The following SCARA5 variants were observed in gnomAD, a reference collection of about 807,000 sequenced individuals.
SCARA5 encodes scavenger receptor class A, member 5 (putative).
Under a neutral mutation model 46.3 loss-of-function variants are expected in SCARA5, and 45 were observed. The observed-to-expected ratio is 0.97, with a 90% CI of 0.76 to 1.24. The LOEUF is 1.24. SCARA5 is among the 50% of genes most tolerant of loss of function. SCARA5 has a pLI of 0.00. For synonymous variants in SCARA5, 333 were observed against 306.5 expected (o/e 1.09, Z -0.90); for missense variants, 680 against 689.0 (o/e 0.99, Z 0.15).
intron 3 of SCARA5, among the ~76,000 whole-genome samples, chr8:27,951,604 G>A (rs966881539): frequency 3.3e-5 from 5 of 152,188 alleles, no homozygotes; most frequent in Admixed American, 6.5e-5. Context: ...GGCCCGTCCC[G>A]TCCTGCACGG....
At chr8:27,968,526 T>A (rs1020770945) in intron 2 of SCARA5, among the ~76,000 whole-genome samples, 3 of 152,202 alleles carry the variant, frequency 2.0e-5, no homozygotes, top group Non-Finnish European at 2.9e-5. Flanking sequence ...ATTTCTTTTA[T>A]TTTTTTCCTT....
chr8:27,879,565 T>C lies in SCARA5; in HGVS notation c.1351+4A>G, dbSNP rs1359711981. On this transcript the variant is annotated splice_donor_region_variant and intron_variant, in intron 8 of 8. Transcript: ENST00000354914. Reference sequence around the variant, plus strand: ...TCATGTTTTTTGCCCTCAGAGCGCCTTACCTTGCCCGAATCGAGCTGTGCG... The same window carrying C: ...TCATGTTTTTTGCCCTCAGAGCGCCCTACCTTGCCCGAATCGAGCTGTGCG... 6.2e-7 allele frequency: 1 copy of C among 1,605,448 alleles called. No homozygotes were observed. The highest frequency in any genetic ancestry group is 1.3e-5 in the African/African-American group (1 of 75,030).
At chr8:27,989,484 T>A (rs903998033) in intron 1 of SCARA5, among the ~76,000 whole-genome samples, 1 of 152,190 alleles carries the variant, frequency 6.6e-6, no homozygotes, top group Non-Finnish European at 1.5e-5. Flanking sequence ...ACATTTGGGC[T>A]GAGAAGAGAC....
rs149649716 is a variant in SCARA5 at position 27,873,218 on chromosome 8, G to A, written c.1352-1148C>T. Among the ~76,000 whole-genome samples the A allele has an allele frequency of 1.3e-3, 201 of 152,162 alleles. 3 individuals carry two copies. In the Middle Eastern group the frequency reaches 0.027, roughly 21 times the overall value. ...CTCTCCCACTCTAGGTTCCCACGCC[G>A]CCCCTAATCCCGCTCGAAGCAGCCC... On this transcript the variant is annotated intron_variant, in intron 8 of 8. Transcript: ENST00000354914.
At chr8:27,974,179 C>CG (rs759998792) in intron 2 of SCARA5, among the ~76,000 whole-genome samples, 2 of 151,994 alleles carry the variant, frequency 1.3e-5, no homozygotes, top group East Asian at 3.9e-4. Context: ...CACAGTGCTT[C>CG]GGGGGAAAAG....
rs1259259720 is a variant in SCARA5, at chr8:27,870,873, A to C, written c.*1061T>G. ...TGGAAGATGCAAAATCATCACCTCCAAACAGCTGAGACACACATGACTTGG... is the reference window on the plus strand; with the variant it reads ...TGGAAGATGCAAAATCATCACCTCCCAACAGCTGAGACACACATGACTTGG... On this transcript the variant is annotated 3_prime_UTR_variant, in exon 9 of 9. Transcript: ENST00000354914. 6.6e-6 allele frequency: 1 copy of C among 152,276 alleles called. No homozygotes were observed. Among genetic ancestry groups the C allele is most frequent in the East Asian group, 1.9e-4 (1 of 5,198 alleles). The allele number at this position is 152,276 out of a possible 1,614,324, so 9.4% of individuals were successfully genotyped here. A position where few individuals can be genotyped will look rare whatever the true frequency, so the allele number is the denominator to read the frequency against.
intron 7 of SCARA5, among the ~76,000 whole-genome samples, chr8:27,884,404 CG>C (rs1202010446): frequency 6.6e-6 from 1 of 152,238 alleles, no homozygotes; most frequent in Admixed American, 6.5e-5. Context: ...AAGAGGGACC[CG>C]GCCGCTGCGC....
chr8:27,891,275 G>A (rs994776077), intron 7 of SCARA5, among the ~76,000 whole-genome samples: 2 of 151,142 alleles, frequency 1.3e-5, no homozygotes, highest in African/African-American at 4.9e-5. Context: ...GCACAATCTC[G>A]GCTCACTGCA....
At chr8:27,886,555 A>T (rs978883551) in intron 7 of SCARA5, among the ~76,000 whole-genome samples, 2 of 152,028 alleles carry the variant, frequency 1.3e-5, no homozygotes, top group Admixed American at 6.6e-5. Context: ...GGCCTCCTTT[A>T]CCCCTGAAGA....
rs1020303321 is a variant in SCARA5, at chr8:27,871,695, A to G, written c.*239T>C. ...GTGATCCAGTTGATCAGGGCTCCTC[A>G]TGCAGGAACCTGGTGGAAGAGAGAG... On this transcript the variant is annotated 3_prime_UTR_variant, in exon 9 of 9. Transcript: ENST00000354914. The G allele has an allele frequency of 7.2e-7, 1 of 1,382,796 alleles. No individual in the cohort carries two copies. The highest frequency in any genetic ancestry group is 9.4e-7 in the Non-Finnish European group (1 of 1,067,804). 85.7% of individuals were successfully genotyped at this position (1,382,796 alleles called of 1,614,324 possible). A position where few individuals can be genotyped will look rare whatever the true frequency, so the allele number is the denominator to read the frequency against.
At chr8:27,884,075 C>A (rs1171166624) in intron 7 of SCARA5, among the ~76,000 whole-genome samples, 2 of 152,152 alleles carry the variant, frequency 1.3e-5, no homozygotes, top group African/African-American at 4.8e-5. Context: ...TGCAGAGGAA[C>A]CGAGGAAGCC....
chr8:27,983,044 G>A (rs1418308808), intron 2 of SCARA5, among the ~76,000 whole-genome samples: 1 of 152,180 alleles, frequency 6.6e-6, no homozygotes, highest in Non-Finnish European at 1.5e-5. Flanking sequence ...CATACCCCAA[G>A]GGTGTCCCCT....
intron 7 of SCARA5, among the ~76,000 whole-genome samples, chr8:27,882,549 G>A (rs6999359): frequency 0.42 from 63,307 of 152,040 alleles, 13,732 homozygotes; most frequent in East Asian, 0.59. Flanking sequence ...GCTGTGTCCC[G>A]GGAAGTGTCT....
chr8:27,954,934 G>C (rs2129910290), intron 3 of SCARA5, among the ~76,000 whole-genome samples: 1 of 152,308 alleles, frequency 6.6e-6, no homozygotes, highest in African/African-American at 2.4e-5. Flanking sequence ...TCTCACAGAA[G>C]ACAGCCTGCC....
intron 8 of SCARA5, among the ~76,000 whole-genome samples, chr8:27,879,284 A>G (rs540661696): frequency 8.5e-5 from 13 of 152,300 alleles, no homozygotes; most frequent in Admixed American, 7.8e-4. Context: ...GAGAGACCAC[A>G]GCAGCTGTGC....
intron 5 of SCARA5, among the ~76,000 whole-genome samples, chr8:27,908,653 G>A (rs1254644229): frequency 6.6e-6 from 1 of 152,126 alleles, no homozygotes; most frequent in African/African-American, 2.4e-5. Context: ...CAACATATCT[G>A]TTCCCAGAGT....
intron 2 of SCARA5, among the ~76,000 whole-genome samples, chr8:27,976,925 C>A (rs1168143358): frequency 6.6e-6 from 1 of 152,234 alleles, no homozygotes; most frequent in African/African-American, 2.4e-5. Context: ...AGCAGGATCG[C>A]TTGAGCCCTC....
chr8:27,925,083 A>G (rs1563528277), intron 3 of SCARA5, among the ~76,000 whole-genome samples: 1 of 152,242 alleles, frequency 6.6e-6, no homozygotes, highest in Non-Finnish European at 1.5e-5. Flanking sequence ...TATAGATTCA[A>G]TGCCATCCCC....
chr8:27,964,917 G>C lies in SCARA5; in HGVS notation c.241+1497C>G, dbSNP rs1488303235. Among the ~76,000 whole-genome samples the C allele has an allele frequency of 7.9e-5, 12 of 152,044 alleles. No homozygotes were observed. In the East Asian group the frequency reaches 2.3e-3, roughly 29 times the overall value. ...TTCCTGTTGGGCTGGAATGCTTTCT[G>C]AACATTCCAGAAATTTGTTATGGTC... On this transcript the variant is annotated intron_variant, in intron 3 of 8. Transcript: ENST00000354914.
Sources: allele counts gnomAD v4.1 joint callset (sites outside exome capture counted in the v4.1 genomes callset), GRCh38; gene constraint gnomAD v4.1.1; transcripts MANE v1.5; gene names NCBI Gene and HGNC (gene_info 2026-07-23, HGNC 2026-07-21).